MYBBP1A: variants seen among roughly 807,000 people sequenced by gnomAD.
The protein encoded by MYBBP1A is myb-binding protein 1A.
A neutral mutation model predicts 136.3 loss-of-function variants in MYBBP1A; 147 were observed. The ratio of observed to expected loss-of-function variants is 1.08; its 90% CI spans 0.94 to 1.24. The LOEUF is 1.24. Ranked by LOEUF, MYBBP1A falls within the 50% of genes most tolerant of loss-of-function variation. The pLI is 0.00. For missense variants in MYBBP1A, 2,060 were observed against 1,727.4 expected (o/e 1.19, Z -3.41); for synonymous variants, 947 against 735.8 (o/e 1.29, Z -4.65).
At chr17:4,553,385 G>A (rs773098877) in intron 5 of MYBBP1A, among the ~76,000 whole-genome samples, 3 of 152,330 alleles carry the variant, frequency 2.0e-5, no homozygotes, top group East Asian at 1.9e-4. Flanking sequence ...AATGGCAAAC[G>A]TTTTATATAC....
intron 5 of MYBBP1A, 89 bp downstream of exon 5, chr17:4,553,721 A>G: frequency 1.1e-6 from 1 of 944,456 alleles, no homozygotes; most frequent in Non-Finnish European, 1.7e-6. Flanking sequence ...ATTTCTATGG[A>G]ACAGTGCTGT....
rs766701777 is a variant in MYBBP1A, at chr17:4,541,886, G to A, written c.3093C>T (p.Cys1031=). The change falls in exon 23 of 26, where the codon TGC becomes TGT. Residue 1031 remains cysteine (C), a synonymous_variant. Coordinates refer to ENST00000254718, the MANE Select transcript of MYBBP1A (RefSeq NM_014520.4). ...TGPVRPRHQA[C]LLLQKTLSMR... ...TGGACAGGGTCTTCTGGAGCAGCAGGCAGGCCTGTGGGTGGGCAAAGGTGG... is the reference window on the plus strand; with the variant it reads ...TGGACAGGGTCTTCTGGAGCAGCAGACAGGCCTGTGGGTGGGCAAAGGTGG... 53 of 1,613,054 alleles carry A rather than the reference G, an allele frequency of 3.3e-5. No homozygotes were observed. Among genetic ancestry groups the A allele is most frequent in the Non-Finnish European group, 4.4e-5 (52 of 1,179,746 alleles).
At chr17:4,545,391 C>T (rs888735064) in intron 15 of MYBBP1A, 46 bp from the exon 16 acceptor site, 7 of 1,603,750 alleles carry the variant, frequency 4.4e-6, no homozygotes, top group Non-Finnish European at 6.0e-6. Context: ...CCCCCGCCCT[C>T]CTCTCCAGGC....
At chr17:4,554,754 C>A in intron 2 of MYBBP1A, 107 bp downstream of exon 2, 2 of 1,089,658 alleles carry the variant, frequency 1.8e-6, no homozygotes, top group South Asian at 2.9e-5. Flanking sequence ...CTCCCGACCT[C>A]TCTCTCGGGC....
At chr17:4,540,924 A>AGGCCCTGTCCCGGGCCCCGTCCCG (rs1555539555) in intron 24 of MYBBP1A, among the ~76,000 whole-genome samples, 5 of 151,400 alleles carry the variant, frequency 3.3e-5, no homozygotes, top group Middle Eastern at 6.8e-3. Flanking sequence ...CAGTTTTGTA[A>AGGCCCTGTCCCGGGCCCCGTCCCG]GGCCCCGTCC....
chr17:4,549,472 G>T, intron 9 of MYBBP1A, 30 bp from the exon 10 acceptor site: 1 of 1,597,198 alleles, frequency 6.3e-7, no homozygotes. Context: ...GGTCATGTGA[G>T]CCACTTATAA....
In MYBBP1A at chr17:4,552,251, T is replaced by C; in HGVS notation, c.779A>G (p.Lys260Arg). ...VLKMAASSVK[K>R]DRKLPAIALD... Reference sequence around the variant, plus strand: ...AGCAATGGCGGGCAGCTTGCGGTCCTTCTTCACAGAGGAGGCGGCCATCTT... The same window carrying C: ...AGCAATGGCGGGCAGCTTGCGGTCCCTCTTCACAGAGGAGGCGGCCATCTT... The change falls in exon 7 of 26, where the codon AAG becomes AGG. Residue 260 changes from lysine to arginine, a missense_variant. Transcript: ENST00000254718. This position sits in a 1 kb window ranked among gnomAD's most constrained non-coding sequence, Gnocchi z 4.7. 1 of 1,614,198 alleles carries C rather than the reference T, an allele frequency of 6.2e-7. No individual in the cohort carries two copies. Among genetic ancestry groups the C allele is most frequent in the Non-Finnish European group, 8.5e-7 (1 of 1,180,048 alleles).
rs767659125 is a variant in MYBBP1A, at chr17:4,554,323, G to A, written c.295-45C>T. On this transcript the variant is annotated intron_variant, in intron 2 of 25. Coordinates refer to ENST00000254718, the MANE Select transcript of MYBBP1A (RefSeq NM_014520.4). Reference sequence around the variant, plus strand: ...AGGAGGAAGAGGGTTCAGGAGAGTGGCCCAACTACGTCTTCACAAACCTTA... The same window carrying A: ...AGGAGGAAGAGGGTTCAGGAGAGTGACCCAACTACGTCTTCACAAACCTTA... The A allele has an allele frequency of 2.6e-5, 40 of 1,541,946 alleles. No homozygotes were observed. In the South Asian group the frequency reaches 4.2e-4, roughly 16 times the overall value.
In MYBBP1A at chr17:4,539,581, T is replaced by C; in HGVS notation, c.3821A>G (p.Gln1274Arg). Reference protein sequence around the residue: ...APGSPTEPAGQKQHQKALPKK... With the variant: ...APGSPTEPAGRKQHQKALPKK... Reference sequence around the variant, plus strand: ...GGGAAGAGCCTTCTGATGCTGCTTTTGGCCTGCAGGTTCCGTGGGGGACCC... The same window carrying C: ...GGGAAGAGCCTTCTGATGCTGCTTTCGGCCTGCAGGTTCCGTGGGGGACCC... The change falls in exon 26 of 26, where the codon CAA becomes CGA. Residue 1274 changes from glutamine (Q) to arginine (R), a missense_variant. Transcript: ENST00000254718. 1 of 1,614,152 alleles carries C rather than the reference T, an allele frequency of 6.2e-7. No individual in the cohort carries two copies. Among genetic ancestry groups the C allele is most frequent in the African/African-American group, 1.3e-5 (1 of 75,038 alleles).
In MYBBP1A at chr17:4,552,703, C is replaced by A; in HGVS notation, c.562-77G>T. On this transcript the variant is annotated intron_variant, in intron 5 of 25. Coordinates refer to ENST00000254718, the MANE Select transcript of MYBBP1A (RefSeq NM_014520.4). The surrounding 1 kb of genome is among the most constrained non-coding windows in gnomAD (Gnocchi z 4.7). ...TGGATCCTGTTCTACCTGCTCCTGACACGGGGCCACCTGGTGAGGTATCAG... is the reference window on the plus strand; with the variant it reads ...TGGATCCTGTTCTACCTGCTCCTGAAACGGGGCCACCTGGTGAGGTATCAG... 1.4e-6 allele frequency: 2 copies of A among 1,379,802 alleles called. No individual in the cohort carries two copies. The highest frequency in any genetic ancestry group is 2.0e-6 in the Non-Finnish European group (2 of 1,003,672). 85.5% of individuals were successfully genotyped at this position (1,379,802 alleles called of 1,614,324 possible). A position where few individuals can be genotyped will look rare whatever the true frequency, so the allele number is the denominator to read the frequency against.
At chr17:4,541,946 C>T in intron 22 of MYBBP1A, 55 bp from the exon 23 acceptor site, 1 of 1,457,384 alleles carries the variant, frequency 6.9e-7, no homozygotes, top group Non-Finnish European at 9.5e-7. Context: ...GTGCTCACGG[C>T]TCAGGGATGC....
At position 4,543,359 on chromosome 17, in the gene MYBBP1A, G is replaced by A. The variant is rs1597379563; in HGVS notation, c.2640-194C>T. The A allele has an allele frequency of 1.4e-5, 10 of 712,202 alleles. No individual in the cohort carries two copies. The East Asian group carries it at 2.7e-4, about 19-fold the overall frequency. The allele number at this position is 712,202 out of a possible 1,614,324, so 44.1% of individuals were successfully genotyped here. A position where few individuals can be genotyped will look rare whatever the true frequency, so the allele number is the denominator to read the frequency against. ...AGCTGTGTGGGCTCAGAGTGCTGGG[G>A]TGACAGGGGCGCTCCAGGGGAGAAC... On this transcript the variant is annotated intron_variant, in intron 19 of 25. Transcript: ENST00000254718.
Position 4,545,699 on chromosome 17 carries a change from G to GCTGGGCCAA in MYBBP1A, c.1975_1983dup (p.Leu659_Gln661dup), listed in dbSNP as rs913658071. The GCTGGGCCAA allele has an allele frequency of 4.5e-5, 73 of 1,610,644 alleles. 1 individual carries two copies. The highest frequency in any genetic ancestry group is 5.9e-5 in the Non-Finnish European group (69 of 1,178,050). The stretch of plus-strand genomic sequence containing the variant: ...GCCACCTGGCGCATGAGGTGGCTGG[G>GCTGGGCCAA]CTGGGCCAACAGGGCCAGCAAGATC... On this transcript the variant is annotated inframe_insertion, in exon 15 of 26. Coordinates refer to ENST00000254718, the MANE Select transcript of MYBBP1A (RefSeq NM_014520.4).
chr17:4,544,968 C>G, intron 17 of MYBBP1A, 47 bp from the exon 18 acceptor site: 1 of 1,561,536 alleles, frequency 6.4e-7, no homozygotes, highest in South Asian at 1.2e-5. Flanking sequence ...GGCAGGCACA[C>G]AACATGGGGA....
Position 4,540,673 on chromosome 17 carries a change from T to C in MYBBP1A, c.3298-189A>G, listed in dbSNP as rs2144417911. Among the ~76,000 whole-genome samples, 3 of 145,844 alleles carry C rather than the reference T, an allele frequency of 2.1e-5. No homozygotes were observed. The East Asian group carries it at 8.3e-4, about 40-fold the overall frequency. On this transcript the variant is annotated intron_variant, in intron 24 of 25. Coordinates refer to ENST00000254718, the MANE Select transcript of MYBBP1A (RefSeq NM_014520.4). ...CGAGGGAGGAAACACGCGCCCCAGG[T>C]GTTGGTTCTCCTCCTTCCCATAGCC...
In MYBBP1A at chr17:4,548,518, A is replaced by G. The variant is rs765871621; in HGVS notation, c.1556+6T>C. ...TCGGACCTCTCCTGGGCTGCCCAAG[A>G]CTCACCTGAAGAAGGCACTGCTGAC... On this transcript the variant is annotated splice_donor_region_variant and intron_variant, in intron 11 of 25. Transcript: ENST00000254718. The surrounding 1 kb of genome is among the most constrained non-coding windows in gnomAD (Gnocchi z 4.2). 1 of 1,613,736 alleles carries G rather than the reference A, an allele frequency of 6.2e-7. No homozygotes were observed. The highest frequency in any genetic ancestry group is 8.5e-7 in the Non-Finnish European group (1 of 1,179,988).
In MYBBP1A at chr17:4,544,608, G is replaced by T; in HGVS notation, c.2520C>A (p.Pro840=). 6.3e-7 allele frequency: 1 copy of T among 1,587,914 alleles called. No homozygotes were observed. The highest frequency in any genetic ancestry group is 2.3e-5 in the East Asian group (1 of 43,600). The change falls in exon 19 of 26, where the codon CCC becomes CCA. Residue 840 remains proline (P), a synonymous_variant. Coordinates refer to ENST00000254718, the MANE Select transcript of MYBBP1A (RefSeq NM_014520.4). ...GCAGCTCCAGGACCAGGGCATTCTC[G>T]GGCTGCTTGGTCACTAGCACCTCCA... ...DLVEVLVTKQ[P]ENALVLELLE... is the part of the protein sequence containing the mutation.
rs187168222 is a variant in MYBBP1A at position 4,548,215 on chromosome 17, A to T, written c.1652T>A (p.Leu551His). Residue 551 changes from leucine to histidine, a missense_variant, in exon 12 of 26, where the codon CTC becomes CAC. By Grantham distance (99) the Leu-to-His change is moderately conservative (BLOSUM62 -3). Transcript: ENST00000254718. The surrounding 1 kb of genome is among the most constrained non-coding windows in gnomAD (Gnocchi z 4.2). The part of the protein sequence containing the change: ...WTYHLVQFAD[L>H]LLNHSHNVTT... Reference sequence around the variant, plus strand: ...CACGTTGTGGCTGTGATTCAACAGGAGGTCTGCGAACTGCACCAGGTGGTA... The same window carrying T: ...CACGTTGTGGCTGTGATTCAACAGGTGGTCTGCGAACTGCACCAGGTGGTA... 2.5e-4 allele frequency: 407 copies of T among 1,609,806 alleles called. No homozygotes were observed. Among genetic ancestry groups the T allele is most frequent in the Non-Finnish European group, 4.1e-5 (48 of 1,179,928 alleles).
rs371124153 is a variant in MYBBP1A at position 4,541,997 on chromosome 17, G to A, written c.3088-106C>T. The A allele has an allele frequency of 2.0e-4, 161 of 787,860 alleles. 2 individuals are homozygous for A. The highest frequency in any genetic ancestry group is 1.9e-3 in the African/African-American group (111 of 58,332). The allele number at this position is 787,860 out of a possible 1,614,324, so 48.8% of individuals were successfully genotyped here. Reference sequence around the variant, plus strand: ...CCCGCTGGGCACTGCTGTGGGCAGCGTGTGAGGCTGCCTGCTGCTCTGGGC... The same window carrying A: ...CCCGCTGGGCACTGCTGTGGGCAGCATGTGAGGCTGCCTGCTGCTCTGGGC... On this transcript the variant is annotated intron_variant, in intron 22 of 25. Transcript: ENST00000254718.
Sources: gnomAD v4.1 joint callset for allele counts (sites outside exome capture counted in the v4.1 genomes callset) on GRCh38, gnomAD v4.1.1 for gene constraint, Gnocchi (gnomAD v3.1) non-coding constraint, MANE v1.5 for transcripts, NCBI Gene and HGNC (gene_info 2026-07-23, HGNC 2026-07-21) for gene names.